The following NIPAL2 variants were observed in gnomAD, a reference collection of about 807,000 sequenced individuals.
NIPAL2 encodes the protein NIPA-like protein 2.
A neutral mutation model predicts 48.9 loss-of-function variants in NIPAL2; 43 were observed. The ratio of observed to expected loss-of-function variants is 0.88; its 90% confidence interval spans 0.69 to 1.13. The LOEUF (loss-of-function observed/expected upper bound fraction) is 1.13. NIPAL2 is among the 50% of genes most tolerant of loss of function. NIPAL2 has a pLI of 0.00. For synonymous variants in NIPAL2, 167 were observed against 174.6 expected (o/e 0.96, Z 0.34); for missense variants, 446 against 461.4 (o/e 0.97, Z 0.31).
At chr8:98,218,461 C>A (rs117955564) in intron 5 of NIPAL2, among the ~76,000 whole-genome samples, 11 of 152,168 alleles carry the variant, frequency 7.2e-5, no homozygotes, top group Non-Finnish European at 1.3e-4. Flanking sequence ...GTATGACAGA[C>A]CCGAGACAGG....
intron 6 of NIPAL2, among the ~76,000 whole-genome samples, chr8:98,206,091 GCTTT>G (rs1432101494): frequency 6.6e-6 from 1 of 152,122 alleles, no homozygotes; most frequent in East Asian, 1.9e-4. Flanking sequence ...AGAAAAGAAT[GCTTT>G]CTGTCTTATG....
intron 4 of NIPAL2, among the ~76,000 whole-genome samples, chr8:98,223,293 T>C (rs948720940): frequency 1.1e-4 from 17 of 152,208 alleles, no homozygotes; most frequent in African/African-American, 3.9e-4. Flanking sequence ...AGGAATGTGT[T>C]ACTGCCATCG....
In NIPAL2 at chr8:98,200,576, A is replaced by G. The variant is rs114759378; in HGVS notation, c.880+2532T>C. Among the ~76,000 whole-genome samples, 886 of 152,352 alleles carry G rather than the reference A, an allele frequency of 5.8e-3. 11 individuals are homozygous for G. Among genetic ancestry groups the G allele is most frequent in the African/African-American group, 0.02 (847 of 41,574 alleles). On this transcript the variant is annotated intron_variant, in intron 8 of 10. Coordinates refer to ENST00000430223, the MANE Select transcript of NIPAL2 (RefSeq NM_001321635.2). ...CTTCTACCTTCTGTCTATTGTGAATAATGCTGCTATGAACATACATATACA... is the reference window on the plus strand; with the variant it reads ...CTTCTACCTTCTGTCTATTGTGAATGATGCTGCTATGAACATACATATACA...
Position 98,203,846 on chromosome 8 carries a change from CTGTGTG to C in NIPAL2, c.792-656_792-651del, listed in dbSNP as rs143170810. Reference sequence around the variant, plus strand: ...GAAAAAAGTACTTTGTGGGTAGAGCCTGTGTGTGTGTGTGTGTGTGTGTGTGTGTGT... The same window carrying C: ...GAAAAAAGTACTTTGTGGGTAGAGCCTGTGTGTGTGTGTGTGTGTGTGTGT... On this transcript the variant is annotated intron_variant, in intron 7 of 10. Transcript: ENST00000430223. Among the ~76,000 whole-genome samples the C allele has an allele frequency of 5.1e-3, 755 of 146,818 alleles. 2 individuals are homozygous for C. Among genetic ancestry groups the C allele is most frequent in the African/African-American group, 0.016 (641 of 39,766 alleles).
At chr8:98,203,315 T>C in intron 7 of NIPAL2, 119 bp from the exon 8 acceptor site, 1 of 732,854 alleles carries the variant, frequency 1.4e-6, no homozygotes, top group South Asian at 1.6e-5. Flanking sequence ...GGAGGTGCAG[T>C]GAAAGGGCAT....
chr8:98,217,308 G>C, intron 5 of NIPAL2: 1 of 983,834 alleles, frequency 1.0e-6, no homozygotes, highest in Non-Finnish European at 1.2e-6. Context: ...AAACACACAA[G>C]ACAAGGGGTT....
chr8:98,203,512 T>C (rs960475033), intron 7 of NIPAL2, among the ~76,000 whole-genome samples: 1 of 152,204 alleles, frequency 6.6e-6, no homozygotes, highest in Non-Finnish European at 1.5e-5. Flanking sequence ...TTCATTAGGA[T>C]AGACCCCAGA....
intron 1 of NIPAL2, among the ~76,000 whole-genome samples, chr8:98,272,980 A>G (rs1308248744): frequency 6.6e-6 from 1 of 152,190 alleles, no homozygotes; most frequent in East Asian, 1.9e-4. Context: ...CAAAGGATTG[A>G]AAGTGTCCAT....
chr8:98,287,196 G>A (rs1358758069), intron 1 of NIPAL2, among the ~76,000 whole-genome samples: 7 of 152,142 alleles, frequency 4.6e-5, no homozygotes. Flanking sequence ...CTACTGGTTG[G>A]TTAAACTACA....
At chr8:98,252,037 C>A (rs1258476145) in intron 3 of NIPAL2, among the ~76,000 whole-genome samples, 1 of 152,026 alleles carries the variant, frequency 6.6e-6, no homozygotes, top group Non-Finnish European at 1.5e-5. Context: ...GTAGACTAAC[C>A]AATATTTAAT....
At chr8:98,235,204 A>G (rs1044386305) in intron 4 of NIPAL2, among the ~76,000 whole-genome samples, 7 of 152,190 alleles carry the variant, frequency 4.6e-5, no homozygotes, top group African/African-American at 1.7e-4. Flanking sequence ...TGTTTTATTT[A>G]AAGTGCCTAA....
intron 6 of NIPAL2, among the ~76,000 whole-genome samples, chr8:98,206,952 C>T (rs991757644): frequency 1.3e-5 from 2 of 152,094 alleles, no homozygotes. Context: ...TGCTAGTAGC[C>T]ACATCTTAGC....
At chr8:98,202,933 G>A (rs556563330) in intron 8 of NIPAL2, among the ~76,000 whole-genome samples, 175 bp downstream of exon 8, 82 of 152,320 alleles carry the variant, frequency 5.4e-4, no homozygotes, top group Non-Finnish European at 9.7e-4. Flanking sequence ...GAGGCAGAGA[G>A]CATTCACACA....
chr8:98,199,383 A>G (rs1237582012), intron 8 of NIPAL2, among the ~76,000 whole-genome samples: 1 of 152,148 alleles, frequency 6.6e-6, no homozygotes. Context: ...TTTTGACTTA[A>G]GGGAAGGATT....
chr8:98,286,972 C>T (rs994344642), intron 1 of NIPAL2, among the ~76,000 whole-genome samples: 24 of 152,088 alleles, frequency 1.6e-4, no homozygotes, highest in East Asian at 5.8e-4. Context: ...GCAATTAGGA[C>T]GCTTTGGTGG....
chr8:98,266,282 TA>T lies in NIPAL2; in HGVS notation c.136-12196del, dbSNP rs35353680. Reference sequence around the variant, plus strand: ...ATGTACCCTAAAACTTAAAGTATAATAAAAAAAAAAAGAAAATGAAAAAAAA... The same window carrying T: ...ATGTACCCTAAAACTTAAAGTATAATAAAAAAAAAAGAAAATGAAAAAAAA... On this transcript the variant is annotated intron_variant, in intron 1 of 10. Coordinates refer to ENST00000430223, the MANE Select transcript of NIPAL2 (RefSeq NM_001321635.2). 3.5e-4 allele frequency among the ~76,000 whole-genome samples: 50 copies of T among 142,320 alleles called. 1 individual carries two copies. The highest frequency in any genetic ancestry group is 1.2e-3 in the African/African-American group (47 of 38,564). 93.4% of individuals were successfully genotyped at this position (142,320 alleles called of 152,430 possible).
intron 3 of NIPAL2, among the ~76,000 whole-genome samples, chr8:98,249,838 T>C (rs1813498232): frequency 6.6e-6 from 1 of 150,478 alleles, no homozygotes; most frequent in Non-Finnish European, 1.5e-5. Context: ...ATATATATTA[T>C]ACTCAAAGTA....
intron 7 of NIPAL2, 82 bp downstream of exon 7, chr8:98,205,029 A>G: frequency 7.0e-7 from 1 of 1,420,686 alleles, no homozygotes. Context: ...CATTTTAATT[A>G]TCATCTGAAG....
intron 5 of NIPAL2, among the ~76,000 whole-genome samples, chr8:98,214,488 GTAT>G (rs1486731024): frequency 1.3e-5 from 2 of 152,168 alleles, no homozygotes; most frequent in South Asian, 4.1e-4. Context: ...TGACGAGATG[GTAT>G]TCTTGGGCTG....
Sources: gnomAD v4.1 joint callset for allele counts (sites outside exome capture counted in the v4.1 genomes callset) on GRCh38, gnomAD v4.1.1 for gene constraint, MANE v1.5 for transcripts, NCBI Gene and HGNC (gene_info 2026-07-23, HGNC 2026-07-21) for gene names.